Variants in SUPT3H observed in about 807,000 individuals in gnomAD.
SUPT3H encodes the protein SPT3 homolog, SAGA and STAGA complex component.
Under a neutral mutation model 44.3 loss-of-function variants are expected in SUPT3H, and 44 were observed. The ratio of observed to expected loss-of-function variants is 0.99; its 90% CI spans 0.78 to 1.28. SUPT3H has a LOEUF of 1.28. Among genes scored for constraint, SUPT3H ranks in the 50% most tolerant of loss-of-function variants. The probability of loss-of-function intolerance (pLI) is 0.00; values close to 1 mark genes in which losing one functional copy is unlikely to be tolerated. For missense variants in SUPT3H, 380 were observed against 387.1 expected (o/e 0.98, Z 0.15); for synonymous variants, 124 against 125.6 (o/e 0.99, Z 0.09).
chr6:45,210,074 T>C (rs1024985677), intron 2 of SUPT3H, among the ~76,000 whole-genome samples: 1 of 152,198 alleles, frequency 6.6e-6, no homozygotes, highest in Admixed American at 6.5e-5. Context: ...AAAGTATTTT[T>C]GTAATTAAGG....
At chr6:45,284,700 T>C (rs1327224926) in intron 2 of SUPT3H, among the ~76,000 whole-genome samples, 2 of 152,174 alleles carry the variant, frequency 1.3e-5, no homozygotes, top group African/African-American at 4.8e-5. Flanking sequence ...TCTGAAACTA[T>C]TCCAATCAAC....
intron 10 of SUPT3H, among the ~76,000 whole-genome samples, chr6:44,860,789 A>G (rs544286921): frequency 6.6e-6 from 1 of 152,350 alleles, no homozygotes; most frequent in African/African-American, 2.4e-5. Flanking sequence ...CTAGAAACCA[A>G]TTCTAAAAGA....
intron 2 of SUPT3H, among the ~76,000 whole-genome samples, chr6:45,280,618 G>A (rs1471764647): frequency 6.6e-6 from 1 of 152,148 alleles, no homozygotes; most frequent in Non-Finnish European, 1.5e-5. Flanking sequence ...TCTATCTTCT[G>A]TCTCTTTTCA....
intron 2 of SUPT3H, among the ~76,000 whole-genome samples, chr6:45,334,293 C>T (rs1273942790): frequency 1.3e-5 from 2 of 150,932 alleles, no homozygotes; most frequent in Non-Finnish European, 3.0e-5. Flanking sequence ...ATACCATCAA[C>T]TATAAACATA....
intron 2 of SUPT3H, among the ~76,000 whole-genome samples, chr6:45,183,964 A>C (rs1194119937): frequency 6.6e-6 from 1 of 152,208 alleles, no homozygotes; most frequent in Non-Finnish European, 1.5e-5. Flanking sequence ...GGTAGACACA[A>C]AGAATTTTTA....
intron 10 of SUPT3H, among the ~76,000 whole-genome samples, chr6:44,894,902 T>A (rs1334321698): frequency 6.6e-6 from 1 of 151,846 alleles, no homozygotes; most frequent in Non-Finnish European, 1.5e-5. Context: ...TAATTGAGCA[T>A]TATTTTGTTT....
intron 10 of SUPT3H, among the ~76,000 whole-genome samples, chr6:44,902,458 G>A (rs1280240802): frequency 6.6e-6 from 1 of 152,078 alleles, no homozygotes; most frequent in Admixed American, 6.5e-5. Flanking sequence ...ATGGTAAAGG[G>A]ATCAATTCAA....
At chr6:45,053,328 C>T (rs1379898227) in intron 3 of SUPT3H, among the ~76,000 whole-genome samples, 2 of 151,662 alleles carry the variant, frequency 1.3e-5, no homozygotes, top group Non-Finnish European at 2.9e-5. Context: ...TCGAAAACAA[C>T]AGCAATTGGT....
chr6:45,099,860 T>C (rs1158402020), intron 3 of SUPT3H, among the ~76,000 whole-genome samples: 1 of 152,170 alleles, frequency 6.6e-6, no homozygotes, highest in Non-Finnish European at 1.5e-5. Context: ...TAAAAAAATT[T>C]AACTTCGATG....
chr6:44,855,983 A>G (rs2065658169), intron 10 of SUPT3H, among the ~76,000 whole-genome samples: 1 of 152,196 alleles, frequency 6.6e-6, no homozygotes, highest in Admixed American at 6.5e-5. Context: ...TGAATCTGCT[A>G]CTTTATGAGT....
intron 9 of SUPT3H, among the ~76,000 whole-genome samples, chr6:44,952,519 C>G (rs978280018): frequency 6.6e-6 from 1 of 152,168 alleles, no homozygotes; most frequent in Non-Finnish European, 1.5e-5. Flanking sequence ...TTTCAACCAA[C>G]TTGATCCAAA....
At chr6:44,946,646 T>C (rs1773397133) in intron 9 of SUPT3H, among the ~76,000 whole-genome samples, 1 of 152,126 alleles carries the variant, frequency 6.6e-6, no homozygotes, top group South Asian at 2.1e-4. Flanking sequence ...ATGATAAAAC[T>C]TGAATGGGTG....
intron 2 of SUPT3H, among the ~76,000 whole-genome samples, chr6:45,258,130 C>T (rs2763134): frequency 0.87 from 132,040 of 152,198 alleles, 57,496 homozygotes; most frequent in African/African-American, 0.9. Flanking sequence ...ATGATTCTGA[C>T]GAATCAGACA....
chr6:44,851,515 A>G (rs964731994), intron 10 of SUPT3H, among the ~76,000 whole-genome samples: 1 of 152,228 alleles, frequency 6.6e-6, no homozygotes, highest in East Asian at 1.9e-4. Flanking sequence ...ATATAGTGGA[A>G]CTAGTGATGA....
At chr6:45,347,816 G>A (rs536503829) in intron 2 of SUPT3H, among the ~76,000 whole-genome samples, 3 of 150,896 alleles carry the variant, frequency 2.0e-5, no homozygotes, top group African/African-American at 7.3e-5. Context: ...CTATTTATCA[G>A]AGAATAATTC....
intron 2 of SUPT3H, chr6:45,197,655 A>G (rs748816536): frequency 1.1e-5 from 4 of 348,856 alleles, no homozygotes; most frequent in African/African-American, 7.0e-5. Context: ...TGACAATACT[A>G]TTTTTTCATT....
chr6:45,057,172 T>TTA (rs1447995822), intron 3 of SUPT3H, among the ~76,000 whole-genome samples: 1 of 152,282 alleles, frequency 6.6e-6, no homozygotes, highest in East Asian at 1.9e-4. Flanking sequence ...TTGATTTAAA[T>TTA]TGTTTAAATG....
chr6:44,889,763 G>T (rs1246423124), intron 10 of SUPT3H, among the ~76,000 whole-genome samples: 2 of 152,054 alleles, frequency 1.3e-5, no homozygotes, highest in Non-Finnish European at 2.9e-5. Flanking sequence ...TTGACAAATG[G>T]GATCTAATTA....
At chr6:45,052,760 A>C (rs528660032) in intron 3 of SUPT3H, among the ~76,000 whole-genome samples, 1 of 152,212 alleles carries the variant, frequency 6.6e-6, no homozygotes, top group Non-Finnish European at 1.5e-5. Flanking sequence ...AGAGGCTGGG[A>C]ATGCAAAGAT....
Sources: gnomAD v4.1 joint callset for allele counts (sites outside exome capture counted in the v4.1 genomes callset) on GRCh38, gnomAD v4.1.1 for gene constraint, MANE v1.5 for transcripts, NCBI Gene and HGNC (gene_info 2026-07-23, HGNC 2026-07-21) for gene names.